The following CSMD1 variants were observed in gnomAD, a reference collection of about 807,000 sequenced individuals.
CSMD1 encodes the protein CUB and Sushi multiple domains 1, also known as CUB and sushi domain-containing protein 1.
Under a neutral mutation model 417.5 loss-of-function variants are expected in CSMD1, and 213 were observed. The ratio of observed to expected loss-of-function variants is 0.51; its 90% CI spans 0.46 to 0.57. The LOEUF (loss-of-function observed/expected upper bound fraction) is 0.57. CSMD1 is among the 20% of genes least tolerant of loss of function. CSMD1 has a pLI of 0.00. For missense variants in CSMD1, 6,923 were observed against 4,529.7 expected (o/e 1.53, Z -15.17); for synonymous variants, 2,862 against 1,736.8 (o/e 1.65, Z -16.11).
chr8:3,550,816 G>A (rs553864952), intron 10 of CSMD1, among the ~76,000 whole-genome samples: 6 of 152,298 alleles, frequency 3.9e-5, no homozygotes, highest in African/African-American at 1.4e-4. Flanking sequence ...GTGAATACTT[G>A]TTGGATGGAA....
chr8:4,295,359 A>G (rs1797617274), intron 3 of CSMD1, among the ~76,000 whole-genome samples: 1 of 143,526 alleles, frequency 7.0e-6, no homozygotes, highest in African/African-American at 2.5e-5. Context: ...TATAACCTTA[A>G]GATTATATAT....
At chr8:3,970,794 C>G (rs778084067) in intron 5 of CSMD1, among the ~76,000 whole-genome samples, 124 of 152,012 alleles carry the variant, frequency 8.2e-4, no homozygotes, top group Non-Finnish European at 1.5e-3. Context: ...CTCTTGTTAC[C>G]CAGGCTGGAG....
chr8:3,720,358 A>G (rs1352721301), intron 6 of CSMD1, among the ~76,000 whole-genome samples: 1 of 152,192 alleles, frequency 6.6e-6, no homozygotes, highest in Non-Finnish European at 1.5e-5. Context: ...AACTCCTGAT[A>G]CTGCTTCTGC....
At chr8:3,012,225 T>G (rs1322684646) in intron 52 of CSMD1, among the ~76,000 whole-genome samples, 1 of 152,228 alleles carries the variant, frequency 6.6e-6, no homozygotes, top group Non-Finnish European at 1.5e-5. Flanking sequence ...TCTCACAAGG[T>G]TCTTCTTAGA....
intron 5 of CSMD1, among the ~76,000 whole-genome samples, chr8:3,913,041 C>G (rs547182994): frequency 1.3e-5 from 2 of 152,110 alleles, no homozygotes; most frequent in African/African-American, 4.8e-5. Flanking sequence ...AGAATCGTGA[C>G]TTTAGCAGCA....
In CSMD1 at chr8:3,083,661, T is replaced by TA. The variant is rs1814309371; in HGVS notation, c.7474+3435_7474+3436insT. Among the ~76,000 whole-genome samples the TA allele has an allele frequency of 1.1e-4, 8 of 75,836 alleles. No individual in the cohort carries two copies. The South Asian group carries it at 2.4e-3, about 23-fold the overall frequency. The allele number at this position is 75,836 out of a possible 152,430, so 49.8% of individuals were successfully genotyped here. On this transcript the variant is annotated intron_variant, in intron 49 of 69. Transcript: ENST00000635120. ...ATATATATATATATTTTTTTTTTTT[T>TA]TTTTTTTTTTTTTTTTTTTGGTCTC...
intron 49 of CSMD1, among the ~76,000 whole-genome samples, chr8:3,078,906 C>T (rs1391032048): frequency 6.6e-6 from 1 of 152,166 alleles, no homozygotes; most frequent in African/African-American, 2.4e-5. Flanking sequence ...TGTTGGGCTC[C>T]TGTTCTTAGC....
chr8:3,567,893 T>A (rs1369783972), intron 10 of CSMD1, among the ~76,000 whole-genome samples: 5 of 152,104 alleles, frequency 3.3e-5, no homozygotes, highest in Non-Finnish European at 1.5e-5. Context: ...CTCTCCTTCT[T>A]CCTTCCACAC....
intron 40 of CSMD1, among the ~76,000 whole-genome samples, chr8:3,147,246 T>C (rs1456082055): frequency 6.6e-6 from 1 of 152,238 alleles, no homozygotes; most frequent in Non-Finnish European, 1.5e-5. Flanking sequence ...CTTTGGAGTT[T>C]TGATTTGTCA....
At chr8:4,435,773 G>A (rs754525291) in intron 2 of CSMD1, among the ~76,000 whole-genome samples, 3 of 152,150 alleles carry the variant, frequency 2.0e-5, no homozygotes, top group Non-Finnish European at 4.4e-5. Context: ...CCATACCTTT[G>A]ACAGCTAAAC....
At chr8:4,790,287 C>G (rs1326915824) in intron 1 of CSMD1, among the ~76,000 whole-genome samples, 2 of 152,006 alleles carry the variant, frequency 1.3e-5, no homozygotes, top group Non-Finnish European at 2.9e-5. Context: ...AGGTGAAATA[C>G]CTCTACCACG....
chr8:4,348,577 G>C (rs909446646), intron 3 of CSMD1, among the ~76,000 whole-genome samples: 1 of 145,954 alleles, frequency 6.9e-6, no homozygotes. Context: ...GCATCTGTGT[G>C]TGTGTATGCA....
chr8:4,234,525 C>T (rs1454489023), intron 3 of CSMD1, among the ~76,000 whole-genome samples: 1 of 152,180 alleles, frequency 6.6e-6, no homozygotes, highest in Non-Finnish European at 1.5e-5. Context: ...GATATCACTC[C>T]TAAATGTTCC....
chr8:4,326,743 A>G (rs1224758857), intron 3 of CSMD1, among the ~76,000 whole-genome samples: 1 of 152,216 alleles, frequency 6.6e-6, no homozygotes, highest in African/African-American at 2.4e-5. Flanking sequence ...ATGGAATAGT[A>G]ATGCCCATCT....
chr8:4,336,977 C>T (rs1416040665), intron 3 of CSMD1, among the ~76,000 whole-genome samples: 2 of 151,978 alleles, frequency 1.3e-5, no homozygotes, highest in African/African-American at 2.4e-5. Context: ...CAGGATTTGC[C>T]GTGTTTTCTT....
intron 3 of CSMD1, among the ~76,000 whole-genome samples, chr8:4,040,662 T>C (rs1797839063): frequency 6.6e-6 from 1 of 152,126 alleles, no homozygotes; most frequent in Non-Finnish European, 1.5e-5. Flanking sequence ...TAACATAGTT[T>C]TAAAAAACAT....
At chr8:2,970,322 A>T (rs1377510112) in intron 57 of CSMD1, among the ~76,000 whole-genome samples, 1 of 152,224 alleles carries the variant, frequency 6.6e-6, no homozygotes, top group Non-Finnish European at 1.5e-5. Context: ...TGAGGTAAAC[A>T]TGATACTGAA....
At chr8:4,190,432 G>T (rs1188701363) in intron 3 of CSMD1, among the ~76,000 whole-genome samples, 1 of 151,994 alleles carries the variant, frequency 6.6e-6, no homozygotes, top group Non-Finnish European at 1.5e-5. Flanking sequence ...GCTCATTAAT[G>T]TGAATTGCTT....
At chr8:4,685,761 G>C (rs557065039) in intron 1 of CSMD1, among the ~76,000 whole-genome samples, 1 of 152,232 alleles carries the variant, frequency 6.6e-6, no homozygotes, top group Non-Finnish European at 1.5e-5. Flanking sequence ...AAATCTGTTG[G>C]TGAGAAAAAA....
Sources: allele counts gnomAD v4.1 joint callset (sites outside exome capture counted in the v4.1 genomes callset), GRCh38; gene constraint gnomAD v4.1.1; transcripts MANE v1.5; gene names NCBI Gene and HGNC (gene_info 2026-07-23, HGNC 2026-07-21).